Variants in PI4KA observed in about 807,000 individuals in gnomAD.
PI4KA encodes phosphatidylinositol 4-kinase alpha, also known as PI4-kinase alpha.
A neutral mutation model predicts 271.4 loss-of-function variants in PI4KA; 122 were observed. That is an observed-to-expected ratio of 0.45 (90% CI 0.39 to 0.52). The LOEUF (loss-of-function observed/expected upper bound fraction) is 0.52, where lower values mean the gene tolerates loss of function less well. Ranked by LOEUF, PI4KA falls within the 20% of genes least tolerant of loss-of-function variation. PI4KA has a pLI of 0.00. For synonymous variants in PI4KA, 1,041 were observed against 1,078.8 expected (o/e 0.96, Z 0.69); for missense variants, 1,969 against 2,769.1 (o/e 0.71, Z 6.48).
chr22:20,828,943 TTC>T (rs1923799962), intron 3 of PI4KA, among the ~76,000 whole-genome samples: 1 of 152,212 alleles, frequency 6.6e-6, no homozygotes, highest in Non-Finnish European at 1.5e-5. Context: ...TTGTTTTTAG[TTC>T]TGTTTCTGCC....
intron 18 of PI4KA, among the ~76,000 whole-genome samples, chr22:20,794,549 C>A (rs1934865290): frequency 6.6e-6 from 1 of 152,200 alleles, no homozygotes; most frequent in South Asian, 2.1e-4. Context: ...GAATTAGGGA[C>A]AAGAGTCTTA....
At chr22:20,724,179 C>T (rs1259030432) in intron 42 of PI4KA, among the ~76,000 whole-genome samples, 1 of 151,958 alleles carries the variant, frequency 6.6e-6, no homozygotes, top group East Asian at 2.0e-4. Context: ...GTGGCACATG[C>T]CTGTAATCAC....
intron 19 of PI4KA, chr22:20,786,172 C>T (rs970945877): frequency 1.5e-5 from 25 of 1,613,266 alleles, no homozygotes; most frequent in Non-Finnish European, 2.1e-5. Flanking sequence ...TGTCCACCCC[C>T]GACCCGTCCC....
At position 20,727,366 on chromosome 22, in the gene PI4KA, T is replaced by C. The variant is rs142928525; in HGVS notation, c.4805A>G (p.Asp1602Gly). The C allele has an allele frequency of 6.2e-7, 1 of 1,606,900 alleles. No individual in the cohort carries two copies. The highest frequency in any genetic ancestry group is 1.3e-5 in the African/African-American group (1 of 74,494). Residue 1602 changes from aspartate (D) to glycine (G), a missense_variant, in exon 41 of 55, where the codon GAT (aspartate) becomes GGT (glycine). Around this residue, in one of 13 missense-constraint regions of PI4KA, gnomAD observed 388 missense variants for 521.5 expected, o/e 0.74. Transcript: ENST00000255882. Reference sequence around the variant, plus strand: ...CAGCACATGGCTGAGCTCTGGAGCATCGGCGTCGATGGTGTGCCAGGTGAC... The same window carrying C: ...CAGCACATGGCTGAGCTCTGGAGCACCGGCGTCGATGGTGTGCCAGGTGAC... ...FLVTWHTIDA[D>G]APELSHVLCW... is the part of the protein sequence containing the mutation.
intron 18 of PI4KA, among the ~76,000 whole-genome samples, chr22:20,795,703 C>T (rs1315651460): frequency 2.0e-5 from 3 of 152,172 alleles, no homozygotes; most frequent in South Asian, 2.1e-4. Context: ...CAAGACATGA[C>T]GTTTATCTCA....
At position 20,710,474 on chromosome 22, in the gene PI4KA, G is replaced by A. The variant is rs550054831; in HGVS notation, c.6083+225C>T. 26 of 590,246 alleles carry A rather than the reference G, an allele frequency of 4.4e-5. No individual in the cohort carries two copies. The African/African-American group carries it at 4.5e-4, about 10-fold the overall frequency. The allele number at this position is 590,246 out of a possible 1,614,324, so 36.6% of individuals were successfully genotyped here. The stretch of plus-strand genomic sequence containing the variant: ...CAGAAAGGGAGAGCCCATGGCTGAA[G>A]GCGTGGGCAGGATCGTGGGGAAGGT... On this transcript the variant is annotated intron_variant, in intron 52 of 54. Transcript: ENST00000255882.
intron 17 of PI4KA, among the ~76,000 whole-genome samples, chr22:20,796,550 A>G (rs901565840): frequency 1.3e-5 from 2 of 152,334 alleles, no homozygotes; most frequent in East Asian, 3.9e-4. Context: ...TCTCTCCTGA[A>G]ATGTAGTAAG....
At chr22:20,851,426 C>CT in intron 1 of PI4KA, among the ~76,000 whole-genome samples, 1 of 152,250 alleles carries the variant, frequency 6.6e-6, no homozygotes, top group Admixed American at 6.5e-5. Flanking sequence ...ACCACACCAC[C>CT]TCCCGGGTTC....
chr22:20,787,659 G>C (rs1407192970), intron 19 of PI4KA: 1 of 165,318 alleles, frequency 6.0e-6, no homozygotes, highest in African/African-American at 2.4e-5. Flanking sequence ...CTGTGACCTG[G>C]AGGACAGTGT....
chr22:20,852,692 A>G (rs1484891748), intron 1 of PI4KA, among the ~76,000 whole-genome samples: 1 of 152,146 alleles, frequency 6.6e-6, no homozygotes, highest in Non-Finnish European at 1.5e-5. Flanking sequence ...ACATAGCCTC[A>G]CAAAGCAAAG....
chr22:20,763,684 C>T (rs1196592502), intron 22 of PI4KA, among the ~76,000 whole-genome samples: 1 of 152,196 alleles, frequency 6.6e-6, no homozygotes, highest in Non-Finnish European at 1.5e-5. Context: ...AGGTGATCCA[C>T]TCGCCTTGGC....
At chr22:20,783,824 A>C (rs970109225) in intron 19 of PI4KA, 4 of 1,067,516 alleles carry the variant, frequency 3.7e-6, no homozygotes, top group Non-Finnish European at 5.7e-6. Flanking sequence ...TTTCTGCCCA[A>C]ATCAGGCCTC....
At chr22:20,805,891 G>A (rs1043397444) in intron 10 of PI4KA, among the ~76,000 whole-genome samples, 3 of 151,658 alleles carry the variant, frequency 2.0e-5, no homozygotes, top group Non-Finnish European at 4.4e-5. Flanking sequence ...ACTGGTTGCA[G>A]CCTTGAGAAG....
chr22:20,798,447 C>A (rs530430989), intron 17 of PI4KA, 137 bp downstream of exon 17: 6 of 680,594 alleles, frequency 8.8e-6, no homozygotes, highest in African/African-American at 7.1e-5. Flanking sequence ...TCACTTCCCC[C>A]CTTATGTGTG....
intron 22 of PI4KA, among the ~76,000 whole-genome samples, chr22:20,762,067 G>A (rs898282882): frequency 1.9e-4 from 29 of 152,090 alleles, no homozygotes; most frequent in South Asian, 2.1e-4. Context: ...TATGCACTCT[G>A]TACATTTTTC....
At chr22:20,747,426 G>A in intron 29 of PI4KA, 157 bp downstream of exon 29, 1 of 621,112 alleles carries the variant, frequency 1.6e-6, no homozygotes, top group South Asian at 3.2e-5. Context: ...TTGGGCCAAG[G>A]TGCGGCTTGC....
chr22:20,782,882 C>T (rs2147499161), intron 19 of PI4KA, among the ~76,000 whole-genome samples: 1 of 152,318 alleles, frequency 6.6e-6, no homozygotes, highest in South Asian at 2.1e-4. Context: ...GAGCTTCACT[C>T]ACAGGCAGGC....
chr22:20,824,415 C>G lies in PI4KA; in HGVS notation c.368-1G>C, dbSNP rs1050350692. 1 of 1,609,242 alleles carries G rather than the reference C, an allele frequency of 6.2e-7. No individual in the cohort carries two copies. The highest frequency in any genetic ancestry group is 8.5e-7 in the Non-Finnish European group (1 of 1,176,906). ...AAGCTCTCTGCAACCGGGAGGGCAC[C>G]TGGAAGATGTAAAAACATAAATCAG... On this transcript the variant is annotated splice_acceptor_variant, in intron 3 of 54. Coordinates refer to ENST00000255882, the MANE Select transcript of PI4KA (RefSeq NM_058004.4). LOFTEE classifies it high-confidence loss of function.
At chr22:20,779,450 T>C (rs780678676) in intron 19 of PI4KA, 1 of 1,614,102 alleles carries the variant, frequency 6.2e-7, no homozygotes, top group Non-Finnish European at 8.5e-7. Flanking sequence ...AGCAGTTAAA[T>C]AACAAAAACC....
Sources: gnomAD v4.1 joint callset for allele counts (sites outside exome capture counted in the v4.1 genomes callset) on GRCh38, gnomAD v4.1.1 for gene constraint, gnomAD v4.1.1 regional missense constraint, MANE v1.5 for transcripts, NCBI Gene and HGNC (gene_info 2026-07-23, HGNC 2026-07-21) for gene names.